The following FAM118A variants were observed in gnomAD, a reference collection of about 807,000 sequenced individuals.
The protein encoded by FAM118A is protein FAM118A.
FAM118A carries 25 observed loss-of-function variants against 38.2 expected under a neutral mutation model. The ratio of observed to expected loss-of-function variants is 0.65; its 90% CI spans 0.48 to 0.91. FAM118A has a LOEUF of 0.91. FAM118A is among the 40% of genes least tolerant of loss of function. The pLI is 0.00. For synonymous variants in FAM118A, 178 were observed against 184.1 expected (o/e 0.97, Z 0.27); for missense variants, 425 against 463.3 (o/e 0.92, Z 0.76).
intron 5 of FAM118A, among the ~76,000 whole-genome samples, chr22:45,331,093 C>T (rs976337184): frequency 2.0e-5 from 3 of 152,190 alleles, no homozygotes; most frequent in Non-Finnish European, 4.4e-5. Flanking sequence ...CCCGTGCAGT[C>T]TAGAATGTTG....
Position 45,330,787 on chromosome 22 carries a change from C to T in FAM118A, c.651+56C>T. 9.6e-6 allele frequency: 14 copies of T among 1,452,134 alleles called. No individual in the cohort carries two copies. In the South Asian group the frequency reaches 2.0e-4, roughly 21 times the overall value. The allele number at this position is 1,452,134 out of a possible 1,614,324, so 90.0% of individuals were successfully genotyped here. On this transcript the variant is annotated intron_variant, in intron 5 of 8. Transcript: ENST00000441876. Reference sequence around the variant, plus strand: ...TCCTCTCAGGGATTACTGGTGGCCACTGGCCATTGGCTGCAGTTGAGTGGC... The same window carrying T: ...TCCTCTCAGGGATTACTGGTGGCCATTGGCCATTGGCTGCAGTTGAGTGGC...
At chr22:45,325,289 A>G (rs1055164314) in intron 3 of FAM118A, among the ~76,000 whole-genome samples, 4 of 152,186 alleles carry the variant, frequency 2.6e-5, no homozygotes, top group Non-Finnish European at 4.4e-5. Flanking sequence ...GAAAACCTCC[A>G]TCAGGAAGCG....
intron 4 of FAM118A, chr22:45,329,966 G>A (rs1388755134): frequency 1.3e-5 from 2 of 152,192 alleles, no homozygotes; most frequent in African/African-American, 4.8e-5. Flanking sequence ...AAGGTCCTGC[G>A]TTCTGTATCT....
chr22:45,312,581 C>T (rs943344645), intron 1 of FAM118A, among the ~76,000 whole-genome samples: 11 of 152,200 alleles, frequency 7.2e-5, no homozygotes, highest in South Asian at 4.1e-4. Context: ...GGCTGAGGCA[C>T]GAGAATCCCT....
chr22:45,317,493 G>A (rs1027973912), intron 1 of FAM118A, among the ~76,000 whole-genome samples: 5 of 152,216 alleles, frequency 3.3e-5, no homozygotes, highest in South Asian at 2.1e-4. Context: ...AATGGAAAGC[G>A]AGTAATTTAA....
intron 1 of FAM118A, among the ~76,000 whole-genome samples, chr22:45,311,178 T>C (rs1031228527): frequency 5.3e-5 from 8 of 151,990 alleles, no homozygotes; most frequent in Admixed American, 2.0e-4. Flanking sequence ...TTCTTGAAGG[T>C]TGAGCTAGAG....
chr22:45,335,423 ACAC>A lies in FAM118A; in HGVS notation c.970+42_970+44del. 3 of 1,610,912 alleles carry A rather than the reference ACAC, an allele frequency of 1.9e-6. No homozygotes were observed. The South Asian group carries it at 3.3e-5, about 18-fold the overall frequency. ...CTTCTTGCCAGCCTGTTTTTTGCCT[ACAC>A]ATTCCATTGTCTTCTGTCACTAACT... On this transcript the variant is annotated intron_variant, in intron 7 of 8. Coordinates refer to ENST00000441876, the MANE Select transcript of FAM118A (RefSeq NM_017911.4).
intron 7 of FAM118A, 112 bp downstream of exon 7, chr22:45,335,494 TG>T: frequency 7.8e-7 from 1 of 1,278,696 alleles, no homozygotes; most frequent in South Asian, 1.3e-5. Flanking sequence ...ATAATTAGCT[TG>T]TATTAAAACA....
chr22:45,331,608 C>T (rs1160648917), intron 5 of FAM118A, among the ~76,000 whole-genome samples: 2 of 152,158 alleles, frequency 1.3e-5, no homozygotes, highest in South Asian at 2.1e-4. Context: ...CTGAGAAACT[C>T]GGTGTCTGTG....
chr22:45,314,269 G>C (rs1321194249), intron 1 of FAM118A, among the ~76,000 whole-genome samples: 1 of 152,204 alleles, frequency 6.6e-6, no homozygotes, highest in Non-Finnish European at 1.5e-5. Flanking sequence ...TGCAGGGGCT[G>C]GTCTTTTTCC....
At chr22:45,325,129 A>C (rs2085168056) in intron 3 of FAM118A, among the ~76,000 whole-genome samples, 2 of 152,338 alleles carry the variant, frequency 1.3e-5, no homozygotes, top group South Asian at 4.1e-4. Context: ...AAGGGAGGCC[A>C]GGGAAGGGTA....
chr22:45,330,671 CTGCGGGG>C lies in FAM118A; in HGVS notation c.594_600del (p.Cys198TrpfsTer65). On this transcript the variant is annotated frameshift_variant, in exon 5 of 9. Coordinates refer to ENST00000441876, the MANE Select transcript of FAM118A (RefSeq NM_017911.4). LOFTEE classifies it high-confidence loss of function. ...ACATTCACGGCCTCTACACGGACCC[CTGCGGGG>C]TGGTGCTGGACCCATCGGGGTATAA... The C allele has an allele frequency of 6.2e-7, 1 of 1,605,238 alleles. No individual in the cohort carries two copies. Among genetic ancestry groups the C allele is most frequent in the Non-Finnish European group, 8.5e-7 (1 of 1,176,942 alleles).
chr22:45,332,483 C>A lies in FAM118A; in HGVS notation c.710C>A (p.Thr237Asn), dbSNP rs1284463960. 3 of 1,614,182 alleles carry A rather than the reference C, an allele frequency of 1.9e-6. No individual in the cohort carries two copies. The highest frequency in any genetic ancestry group is 2.5e-6 in the Non-Finnish European group (3 of 1,180,042). Residue 237 changes from threonine (T) to asparagine (N), a missense_variant, in exon 6 of 9, where the codon ACC (threonine) becomes AAC (asparagine). Thr to Asn is a moderately conservative substitution (Grantham distance 65). Coordinates refer to ENST00000441876, the MANE Select transcript of FAM118A (RefSeq NM_017911.4). ...KSFLFVGCGE[T>N]LRDQIFQALF... ...TTTCTGTTTGTGGGCTGTGGGGAGA[C>A]CCTTCGTGATCAGATATTCCAGGCC... is the stretch of plus-strand genomic sequence containing the variant.
At position 45,332,677 on chromosome 22, in the gene FAM118A, C is replaced by G; in HGVS notation, c.904C>G (p.Leu302Val). ...CCACTTTCCAGGATATGTGCAAGAC[C>G]TTGCCACTCAGATCTGCAAACAGCA... ...FDHFPGYVQD[L>V]ATQICKQQSP... is the part of the protein sequence containing the mutation. The change falls in exon 6 of 9, where the codon CTT (leucine) becomes GTT (valine). Residue 302 changes from leucine to valine, a missense_variant. By Grantham distance (32) the Leu-to-Val change is conservative. Transcript: ENST00000441876. 2 of 1,611,168 alleles carry G rather than the reference C, an allele frequency of 1.2e-6. No homozygotes were observed. The highest frequency in any genetic ancestry group is 1.7e-6 in the Non-Finnish European group (2 of 1,177,840).
intron 1 of FAM118A, among the ~76,000 whole-genome samples, chr22:45,320,290 C>A (rs1403501963): frequency 1.3e-5 from 2 of 152,030 alleles, no homozygotes; most frequent in African/African-American, 2.4e-5. Flanking sequence ...GGTGAAATCC[C>A]GTCTCTATGA....
intron 1 of FAM118A, chr22:45,318,608 T>C (rs226492): frequency 0.89 from 135,448 of 152,216 alleles, 60,334 homozygotes; most frequent in African/African-American, 0.91. Flanking sequence ...GATTTGACTC[T>C]GATGTTTAGG....
chr22:45,330,410 G>A (rs907884709), intron 4 of FAM118A, 193 bp from the exon 5 acceptor site: 7 of 464,792 alleles, frequency 1.5e-5, no homozygotes, highest in East Asian at 8.3e-5. Flanking sequence ...CTGTACCGTC[G>A]TAGGACGGGA....
intron 1 of FAM118A, among the ~76,000 whole-genome samples, chr22:45,313,732 A>G (rs746882058): frequency 6.6e-6 from 1 of 152,244 alleles, no homozygotes; most frequent in Non-Finnish European, 1.5e-5. Context: ...AGGGAGAGAC[A>G]GACTCAGGGA....
intron 1 of FAM118A, among the ~76,000 whole-genome samples, chr22:45,313,298 A>G (rs1039325428): frequency 3.4e-5 from 5 of 148,606 alleles, no homozygotes; most frequent in African/African-American, 1.2e-4. Flanking sequence ...GGTGCCTTTC[A>G]GTGTCAGACA....
Sources: gnomAD v4.1 joint callset for allele counts (sites outside exome capture counted in the v4.1 genomes callset) on GRCh38, gnomAD v4.1.1 for gene constraint, MANE v1.5 for transcripts, NCBI Gene and HGNC (gene_info 2026-07-23, HGNC 2026-07-21) for gene names.